The following CEPT1 variants were observed in gnomAD, a reference collection of about 807,000 sequenced individuals.
CEPT1 encodes the protein choline/ethanolaminephosphotransferase 1.
CEPT1 carries 7 observed loss-of-function variants against 42.6 expected under a neutral mutation model. The ratio of observed to expected loss-of-function variants is 0.16; its 90% CI spans 0.09 to 0.31. The LOEUF (loss-of-function observed/expected upper bound fraction) is 0.31. CEPT1 is among the 10% of genes least tolerant of loss of function. The pLI is 1.00. For missense variants in CEPT1, 306 were observed against 502.1 expected, an observed-to-expected ratio of 0.61 and a Z score of 3.73; for synonymous variants, 171 against 171.9, an observed-to-expected ratio of 0.99 and a Z score of 0.04.
intron 2 of CEPT1, among the ~76,000 whole-genome samples, chr1:111,152,654 G>T (rs1655343155): frequency 6.6e-6 from 1 of 152,184 alleles, no homozygotes; most frequent in South Asian, 2.1e-4. Context: ...AGGTTAGTGG[G>T]TACTTTTGGG....
At chr1:111,179,751 C>A (rs758359928) in intron 5 of CEPT1, 2 of 152,074 alleles carry the variant, frequency 1.3e-5, no homozygotes, top group Non-Finnish European at 2.9e-5. Flanking sequence ...TCATACTCTC[C>A]CAAAACAGGA....
intron 5 of CEPT1, chr1:111,179,650 CCTTT>C (rs1308532717): frequency 2.6e-5 from 4 of 152,126 alleles, no homozygotes; most frequent in African/African-American, 9.7e-5. Context: ...ACTTGGGATT[CCTTT>C]GACTCGAGCT....
intron 4 of CEPT1, 91 bp from the exon 5 acceptor site, chr1:111,174,788 G>A (rs1440216234): frequency 1.3e-6 from 1 of 787,298 alleles, no homozygotes. Context: ...TTTCTATTGT[G>A]CATGATAGAG....
At chr1:111,167,587 A>G (rs1656202251) in intron 4 of CEPT1, 1 of 970,436 alleles carries the variant, frequency 1.0e-6, no homozygotes, top group Non-Finnish European at 1.2e-6. Flanking sequence ...ATGATTCTAT[A>G]TTAATGTAGG....
intron 2 of CEPT1, among the ~76,000 whole-genome samples, chr1:111,155,890 T>C (rs1286103748): frequency 6.6e-6 from 1 of 152,144 alleles, no homozygotes; most frequent in Non-Finnish European, 1.5e-5. Context: ...TGTGTGTGTA[T>C]ATGTATATAT....
At chr1:111,183,054 A>G (rs1657069499) in intron 7 of CEPT1, 97 bp downstream of exon 7, 1 of 1,247,386 alleles carries the variant, frequency 8.0e-7, no homozygotes, top group Admixed American at 2.3e-5. Flanking sequence ...AAATGGTCCT[A>G]GAGTTTGCCC....
chr1:111,145,752 G>GC (rs1276487386), intron 1 of CEPT1, among the ~76,000 whole-genome samples: 1 of 152,196 alleles, frequency 6.6e-6, no homozygotes, highest in African/African-American at 2.4e-5. Flanking sequence ...ATCCTGGGCA[G>GC]CAGGAGCACC....
intron 4 of CEPT1, among the ~76,000 whole-genome samples, chr1:111,171,845 T>C (rs1362988605): frequency 6.6e-6 from 1 of 152,208 alleles, no homozygotes; most frequent in Non-Finnish European, 1.5e-5. Context: ...TTCAAGTGAT[T>C]CTCCCGCCTC....
At chr1:111,182,070 C>T (rs543871543) in intron 5 of CEPT1, 117 bp from the exon 6 acceptor site, 11 of 660,032 alleles carry the variant, frequency 1.7e-5, no homozygotes, top group African/African-American at 3.8e-5. Context: ...CATTACTTTA[C>T]GTATTTATGT....
At chr1:111,158,840 AGTT>A (rs1337870025) in intron 2 of CEPT1, among the ~76,000 whole-genome samples, 4 of 148,612 alleles carry the variant, frequency 2.7e-5, no homozygotes, top group Non-Finnish European at 5.9e-5. Context: ...CTCCCTTGTA[AGTT>A]GTTATCTAGC....
At position 111,183,503 on chromosome 1, in the gene CEPT1, A is replaced by G. The variant is rs751256854; in HGVS notation, c.1047A>G (p.Thr349=). 4 of 1,613,776 alleles carry G rather than the reference A, an allele frequency of 2.5e-6. No individual in the cohort carries two copies. The highest frequency in any genetic ancestry group is 1.1e-5 in the South Asian group (1 of 91,076). Residue 349 remains threonine, a synonymous_variant, in exon 8 of 9, where the codon ACA becomes ACG. Transcript: ENST00000357172. ...AAAGTGAAATGCATTTGCATGACAC[A>G]GCATTCATAGGTCCGGCACTTTTGT... ...MTKSEMHLHD[T]AFIGPALLFL...
intron 2 of CEPT1, among the ~76,000 whole-genome samples, chr1:111,150,504 T>A (rs1269931272): frequency 6.6e-6 from 1 of 152,204 alleles, no homozygotes; most frequent in Non-Finnish European, 1.5e-5. Flanking sequence ...GTCAGAGAAT[T>A]TCGTAAATTT....
intron 8 of CEPT1, 51 bp downstream of exon 8, chr1:111,183,638 T>C (rs1399653695): frequency 1.3e-6 from 2 of 1,551,234 alleles, no homozygotes; most frequent in Non-Finnish European, 1.8e-6. Flanking sequence ...TGAAGGTTGC[T>C]TGTTTTCTTA....
chr1:111,165,005 T>C (rs577535507), intron 4 of CEPT1, among the ~76,000 whole-genome samples: 1 of 150,796 alleles, frequency 6.6e-6, no homozygotes, highest in African/African-American at 2.4e-5. Flanking sequence ...GAAATCCTAA[T>C]CAATCTTTAA....
intron 4 of CEPT1, among the ~76,000 whole-genome samples, chr1:111,174,280 C>A (rs1037090072): frequency 6.6e-6 from 1 of 151,998 alleles, no homozygotes; most frequent in Non-Finnish European, 1.5e-5. Context: ...AAAGCTAATT[C>A]TTGGCTGCTT....
At chr1:111,163,172 ATATAT>A (rs766914851) in intron 4 of CEPT1, among the ~76,000 whole-genome samples, 3 of 152,170 alleles carry the variant, frequency 2.0e-5, no homozygotes, top group Non-Finnish European at 4.4e-5. Flanking sequence ...GAAACACTAG[ATATAT>A]TAAGATTAGT....
intron 2 of CEPT1, among the ~76,000 whole-genome samples, chr1:111,153,160 A>G (rs1405776481): frequency 6.6e-6 from 1 of 152,044 alleles, no homozygotes; most frequent in South Asian, 2.1e-4. Flanking sequence ...TGTAACCACA[A>G]TTCTTCCCTT....
At chr1:111,151,165 G>A (rs1655254003) in intron 2 of CEPT1, among the ~76,000 whole-genome samples, 1 of 135,892 alleles carries the variant, frequency 7.4e-6, no homozygotes, top group Non-Finnish European at 1.5e-5. Flanking sequence ...TCGCTCTGTT[G>A]CCAGGCTGGA....
intron 4 of CEPT1, among the ~76,000 whole-genome samples, chr1:111,165,257 C>T (rs1656089441): frequency 6.6e-6 from 1 of 151,518 alleles, no homozygotes; most frequent in Non-Finnish European, 1.5e-5. Context: ...ACCGTGTTAG[C>T]CAGGATGGTC....
Sources: allele counts gnomAD v4.1 joint callset (sites outside exome capture counted in the v4.1 genomes callset), GRCh38; gene constraint gnomAD v4.1.1; transcripts MANE v1.5; gene names NCBI Gene and HGNC (gene_info 2026-07-23, HGNC 2026-07-21).